The following IL3RA variants were observed in gnomAD, a reference collection of about 807,000 sequenced individuals.
The protein encoded by IL3RA is interleukin-3 receptor subunit alpha.
IL3RA carries 73 observed loss-of-function variants against 52.3 expected under a neutral mutation model. The observed-to-expected ratio is 1.40, with a 90% CI of 1.16 to 1.70. The LOEUF is 1.70. Among genes scored for constraint, IL3RA ranks in the 40% most tolerant of loss-of-function variants. The pLI, the probability that IL3RA is intolerant of heterozygous loss-of-function variation, is 0.00. For synonymous variants in IL3RA, 260 were observed against 194.0 expected, an observed-to-expected ratio of 1.34 and a Z score of -2.83; for missense variants, 664 against 504.4, an observed-to-expected ratio of 1.32 and a Z score of -3.03.
rs749074404 is a variant in IL3RA at position 1,361,713 on chromosome X, A to C, written c.759+2826A>C. 3.7e-4 allele frequency among the ~76,000 whole-genome samples: 53 copies of C among 143,356 alleles called. 1 individual carries two copies. The highest frequency in any genetic ancestry group is 1.3e-3 in the African/African-American group (51 of 38,238). The allele number at this position is 143,356 out of a possible 152,430, so 94.0% of individuals were successfully genotyped here. ...GGTTGCAGTGAGTTGAGATCGCGCC[A>C]CTGCACTCCAGCCTGGGTGACAGAG... On this transcript the variant is annotated intron_variant, in intron 8 of 11. Coordinates refer to ENST00000331035, the MANE Select transcript of IL3RA (RefSeq NM_002183.4).
intron 10 of IL3RA, among the ~76,000 whole-genome samples, 176 bp from the exon 11 acceptor site, chrX:1,380,847 T>A (rs747016296): frequency 5.3e-5 from 8 of 150,938 alleles, no homozygotes; most frequent in Admixed American, 2.6e-4. Flanking sequence ...CGCCTGCCTA[T>A]GATGATGGTC....
In IL3RA at chrX:1,352,446, G is replaced by A. The variant is rs200818107; in HGVS notation, c.556G>A (p.Gly186Ser). 6.0e-5 allele frequency: 97 copies of A among 1,613,722 alleles called. No homozygotes were observed. Among genetic ancestry groups the A allele is most frequent in the Non-Finnish European group, 7.7e-5 (91 of 1,179,870 alleles). The part of the protein sequence containing the change: ...GSQSSHILVR[G>S]RSAAFGIPCT... ...TCAAAGTTCCCACATCCTGGTGCGG[G>A]GCAGGAGCGCAGCCTTCGGTATCCC... Residue 186 changes from glycine to serine, a missense_variant, in exon 6 of 12, where the codon GGC becomes AGC. Physicochemically the swap from Gly to Ser is moderately conservative, Grantham distance 56 (BLOSUM62 0). Transcript: ENST00000331035.
At chrX:1,353,943 A>ACCCCCCCCATCATGGGTCATGGGAC (rs2086378711) in intron 6 of IL3RA, among the ~76,000 whole-genome samples, 2 of 42,814 alleles carry the variant, frequency 4.7e-5, no homozygotes, top group African/African-American at 1.9e-4. Context: ...GGGTCATGGG[A>ACCCCCCCCATCATGGGTCATGGGAC]CCCCCCCCCC....
At chrX:1,379,044 T>C (rs776398684) in intron 10 of IL3RA, among the ~76,000 whole-genome samples, 1 of 152,216 alleles carries the variant, frequency 6.6e-6, no homozygotes, top group South Asian at 2.1e-4. Flanking sequence ...GGTTTTGCCA[T>C]GTTGGCCAGG....
chrX:1,342,380 G>C (rs2085526440), intron 2 of IL3RA, among the ~76,000 whole-genome samples: 1 of 151,864 alleles, frequency 6.6e-6, no homozygotes, highest in African/African-American at 2.4e-5. Flanking sequence ...CGGTCAGGCT[G>C]GTCTAGAACT....
intron 4 of IL3RA, among the ~76,000 whole-genome samples, chrX:1,351,882 G>A (rs187942638): frequency 0.015 from 2,212 of 152,066 alleles, 62 homozygotes; most frequent in African/African-American, 0.05. Flanking sequence ...CACCTGCCTC[G>A]GCCTCCCAAA....
chrX:1,380,413 G>A (rs1265925689), intron 10 of IL3RA, among the ~76,000 whole-genome samples: 1 of 37,834 alleles, frequency 2.6e-5, no homozygotes, highest in East Asian at 6.4e-4. Flanking sequence ...CGGGGGAAGG[G>A]GGAAAAGGGG....
chrX:1,379,621 ACAGT>A (rs1304609814), intron 10 of IL3RA, among the ~76,000 whole-genome samples: 5 of 152,186 alleles, frequency 3.3e-5, no homozygotes, highest in Non-Finnish European at 7.4e-5. Flanking sequence ...CGGGCCTGAC[ACAGT>A]CAGAGGGCGA....
At chrX:1,344,510 C>T (rs1395225651) in intron 2 of IL3RA, among the ~76,000 whole-genome samples, 2 of 151,832 alleles carry the variant, frequency 1.3e-5, no homozygotes, top group African/African-American at 2.4e-5. Flanking sequence ...CATGGTGGCT[C>T]ATGCTTGTAA....
chrX:1,351,358 C>T (rs758708301), intron 4 of IL3RA, among the ~76,000 whole-genome samples: 1 of 152,062 alleles, frequency 6.6e-6, no homozygotes, highest in South Asian at 2.1e-4. Flanking sequence ...GACGGAGTCT[C>T]GCTCTTGTCA....
At chrX:1,353,956 TCATGGGTCGTGGGACCCCCACCCCC>T (rs1569522261) in intron 6 of IL3RA, among the ~76,000 whole-genome samples, 675 of 44,522 alleles carry the variant, frequency 0.015, 54 homozygotes, top group African/African-American at 0.059. Context: ...CCCCCCCCCA[TCATGGGTCGTGGGACCCCCACCCCC>T]ATCATGGGTC....
chrX:1,356,474 AAAC>A, intron 7 of IL3RA, 138 bp downstream of exon 7: 2 of 636,960 alleles, frequency 3.1e-6, no homozygotes, highest in Admixed American at 5.9e-5. Flanking sequence ...TAAAAAACAA[AAAC>A]AAAAACAAAA....
At chrX:1,349,329 C>A (rs1194245571) in intron 4 of IL3RA, among the ~76,000 whole-genome samples, 2 of 151,658 alleles carry the variant, frequency 1.3e-5, no homozygotes, top group African/African-American at 2.4e-5. Context: ...TTATAGGCGC[C>A]CACCGCCACG....
intron 2 of IL3RA, among the ~76,000 whole-genome samples, chrX:1,342,677 C>G (rs1190814501): frequency 1.5e-4 from 22 of 150,056 alleles, no homozygotes; most frequent in Admixed American, 7.4e-4. Context: ...TCTCCTGTCT[C>G]AGCCTCCCAA....
chrX:1,348,638 CTTTTT>C (rs1242189294), intron 4 of IL3RA, 93 bp downstream of exon 4: 5 of 723,902 alleles, frequency 6.9e-6, no homozygotes, highest in African/African-American at 4.3e-5. Context: ...TTTTTCTTTT[CTTTTT>C]CTCTTTCTTT....
At chrX:1,351,990 C>T in intron 4 of IL3RA, 110 bp from the exon 5 acceptor site, 1 of 1,380,270 alleles carries the variant, frequency 7.2e-7, no homozygotes, top group Non-Finnish European at 9.9e-7. Flanking sequence ...GTCTCGAACT[C>T]CTGACCTCAT....
intron 11 of IL3RA, among the ~76,000 whole-genome samples, chrX:1,381,711 A>G (rs183697031): frequency 0.014 from 2,064 of 150,322 alleles, 26 homozygotes; most frequent in South Asian, 0.049. Context: ...CGCCCAGCTA[A>G]TTTTGTATTT....
At chrX:1,342,051 C>T (rs1480523427) in intron 2 of IL3RA, among the ~76,000 whole-genome samples, 1 of 152,132 alleles carries the variant, frequency 6.6e-6, no homozygotes, top group Non-Finnish European at 1.5e-5. Flanking sequence ...CAGGCAGGGA[C>T]CTGATCGTGA....
At chrX:1,348,719 TCTTC>T (rs2085930001) in intron 4 of IL3RA, among the ~76,000 whole-genome samples, 174 bp downstream of exon 4, 1 of 75,668 alleles carries the variant, frequency 1.3e-5, no homozygotes, top group Non-Finnish European at 2.5e-5. Context: ...TCTGTTTCTT[TCTTC>T]CTTTCTTTTT....
Sources: gnomAD v4.1 joint callset for allele counts (sites outside exome capture counted in the v4.1 genomes callset) on GRCh38, gnomAD v4.1.1 for gene constraint, MANE v1.5 for transcripts, NCBI Gene and HGNC (gene_info 2026-07-23, HGNC 2026-07-21) for gene names.